Variants in RNF38 observed in about 807,000 individuals in gnomAD.
RNF38 encodes the protein E3 ubiquitin-protein ligase RNF38.
In RNF38, 15 loss-of-function variants were observed where a neutral mutation model predicts 67.2. The observed-to-expected ratio is 0.22, with a 90% CI of 0.15 to 0.34. The LOEUF (loss-of-function observed/expected upper bound fraction) is 0.34. Ranked by LOEUF, RNF38 falls within the 10% of genes least tolerant of loss-of-function variation. RNF38 has a pLI of 1.00. For synonymous variants in RNF38, 220 were observed against 218.8 expected (o/e 1.01, Z -0.05); for missense variants, 524 against 639.9 (o/e 0.82, Z 1.95).
chr9:36,402,021 G>A (rs1245875757), upstream of RNF38, among the ~76,000 whole-genome samples: 2 of 152,146 alleles, frequency 1.3e-5, no homozygotes, highest in Non-Finnish European at 2.9e-5. Flanking sequence ...ACACTATATG[G>A]TAATTATTTA....
At chr9:36,411,593 G>A (rs1363200546) in intron 2 of RNF38, among the ~76,000 whole-genome samples, 1 of 152,058 alleles carries the variant, frequency 6.6e-6, no homozygotes, top group Non-Finnish European at 1.5e-5. Context: ...ACAGAGTCTT[G>A]CGCAATCACC....
chr9:36,467,615 T>C (rs1056522317), intron 1 of RNF38, among the ~76,000 whole-genome samples: 3 of 152,156 alleles, frequency 2.0e-5, no homozygotes, highest in African/African-American at 7.2e-5. Flanking sequence ...TCACTACCAA[T>C]AATAACACCA....
intron 1 of RNF38, among the ~76,000 whole-genome samples, chr9:36,485,610 T>C (rs1168022957): frequency 6.6e-6 from 1 of 152,188 alleles, no homozygotes; most frequent in African/African-American, 2.4e-5. Flanking sequence ...GCCAAATATG[T>C]GTGTCTTAGA....
chr9:36,424,457 A>C (rs1838719696), intron 2 of RNF38, among the ~76,000 whole-genome samples: 1 of 152,164 alleles, frequency 6.6e-6, no homozygotes, highest in Non-Finnish European at 1.5e-5. Flanking sequence ...AGCAGTCAAT[A>C]ATTTGACACA....
Position 36,339,562 on chromosome 9 carries a change from A to G in RNF38, c.*190T>C, listed in dbSNP as rs985534903. On this transcript the variant is annotated 3_prime_UTR_variant, in exon 12 of 12. Coordinates refer to ENST00000259605, the MANE Select transcript of RNF38 (RefSeq NM_022781.5). ...TTGGAGTTCCAATCACACGGTTAGT[A>G]TAACAATCCCATAACTGTGAAGACT... 28 of 536,532 alleles carry G rather than the reference A, an allele frequency of 5.2e-5. No individual in the cohort carries two copies. The Middle Eastern group carries it at 1.9e-3, about 36-fold the overall frequency. The allele number at this position is 536,532 out of a possible 1,614,324, so 33.2% of individuals were successfully genotyped here. A position where few individuals can be genotyped will look rare whatever the true frequency, so the allele number is the denominator to read the frequency against.
At chr9:36,383,899 A>T (rs1836399068) in intron 2 of RNF38, among the ~76,000 whole-genome samples, 1 of 152,188 alleles carries the variant, frequency 6.6e-6, no homozygotes, top group African/African-American at 2.4e-5. Context: ...AACGTATTGC[A>T]ATCACACCAT....
rs542083931 is a variant in RNF38, at chr9:36,487,359, G to A, written n.190C>T. On this transcript the variant is annotated non_coding_transcript_exon_variant, in exon 1 of 4. Coordinates refer to the RNF38 transcript ENST00000488058. ...CCGCCACCCTGGGCTCCCGCCCGGA[G>A]AGGCCCGTGGCCCGGAGGGCTGAGG... 98 of 984,580 alleles carry A rather than the reference G, an allele frequency of 1.0e-4. 1 individual carries two copies. The South Asian group carries it at 4.1e-3, about 41-fold the overall frequency. 61.0% of individuals were successfully genotyped at this position (984,580 alleles called of 1,614,324 possible).
In RNF38 at chr9:36,438,419, A is replaced by AT. The variant is rs202109356; in HGVS notation, n.242-13737dup. On this transcript the variant is annotated intron_variant and non_coding_transcript_variant, in intron 1 of 3. Coordinates refer to the RNF38 transcript ENST00000488058. ...AAAACATTAAGAGACTTTTTTTGTG[A>AT]TTTTTTTTAAGCTCATCAGCAATCG... Among the ~76,000 whole-genome samples, 1,046 of 151,816 alleles carry AT rather than the reference A, an allele frequency of 6.9e-3. 14 individuals are homozygous for AT. The highest frequency in any genetic ancestry group is 0.024 in the African/African-American group (988 of 41,394).
rs557309970 is a variant in RNF38, at chr9:36,412,264, C to T, written n.312+12349G>A. 1.3e-3 allele frequency among the ~76,000 whole-genome samples: 198 copies of T among 152,306 alleles called. 1 individual carries two copies. Among genetic ancestry groups the T allele is most frequent in the Non-Finnish European group, 2.2e-3 (151 of 68,024 alleles). On this transcript the variant is annotated intron_variant and non_coding_transcript_variant, in intron 2 of 3. Transcript: ENST00000488058. The stretch of plus-strand genomic sequence containing the variant: ...CAGCCTTTTGTTTCCCTCATCTTTC[C>T]GGCTTTAGGGATTTTGCACTAGCTG...
chr9:36,477,322 GAA>G (rs760684192), intron 1 of RNF38, among the ~76,000 whole-genome samples: 5 of 127,246 alleles, frequency 3.9e-5, no homozygotes, highest in Non-Finnish European at 5.1e-5. Context: ...GACTCGTCTG[GAA>G]AAAAAAAAAA....
At chr9:36,391,876 G>A (rs1368365057) in intron 1 of RNF38, among the ~76,000 whole-genome samples, 1 of 152,188 alleles carries the variant, frequency 6.6e-6, no homozygotes, top group African/African-American at 2.4e-5. Flanking sequence ...GCCTCCCGAA[G>A]TGCTGGGATT....
At chr9:36,443,425 G>C (rs1839239309) in intron 1 of RNF38, among the ~76,000 whole-genome samples, 1 of 152,140 alleles carries the variant, frequency 6.6e-6, no homozygotes, top group Non-Finnish European at 1.5e-5. Context: ...AGTTGCAAGA[G>C]TGAGAAAAAT....
chr9:36,347,548 C>T (rs1223583287), intron 9 of RNF38, among the ~76,000 whole-genome samples: 1 of 152,192 alleles, frequency 6.6e-6, no homozygotes, highest in African/African-American at 2.4e-5. Context: ...TACTATTGCA[C>T]TTGTTTTGTG....
At chr9:36,400,779 G>C, upstream of RNF38, 1 of 985,618 alleles carries the variant, frequency 1.0e-6, no homozygotes, top group South Asian at 4.7e-5. Flanking sequence ...TGCACGCCCA[G>C]AGATGACAGA....
intron 11 of RNF38, among the ~76,000 whole-genome samples, chr9:36,342,108 G>A (rs1354597587): frequency 6.6e-6 from 1 of 152,148 alleles, no homozygotes; most frequent in African/African-American, 2.4e-5. Flanking sequence ...CATACTGATT[G>A]TCAAGAGGTC....
Position 36,344,704 on chromosome 9 carries a change from C to T in RNF38, c.1385+128G>A, listed in dbSNP as rs995134059. ...TAACTTATCTTTATCAAAGTTATCT[C>T]TGACTCCTAAGCATTTTCTTTCAAT... is the stretch of plus-strand genomic sequence containing the variant. On this transcript the variant is annotated intron_variant, in intron 10 of 11. Coordinates refer to ENST00000259605, the MANE Select transcript of RNF38 (RefSeq NM_022781.5). 1.4e-4 allele frequency: 118 copies of T among 821,542 alleles called. 1 individual carries two copies. In the African/African-American group the frequency reaches 2.0e-3, roughly 14 times the overall value. 50.9% of individuals were successfully genotyped at this position (821,542 alleles called of 1,614,324 possible). A position where few individuals can be genotyped will look rare whatever the true frequency, so the allele number is the denominator to read the frequency against.
intron 2 of RNF38, among the ~76,000 whole-genome samples, chr9:36,378,327 C>T (rs949573106): frequency 6.6e-6 from 1 of 152,014 alleles, no homozygotes; most frequent in Non-Finnish European, 1.5e-5. Flanking sequence ...CAGGCATATG[C>T]CACCATGCCC....
chr9:36,356,605 TAAC>T, intron 5 of RNF38, 132 bp from the exon 6 acceptor site: 1 of 641,454 alleles, frequency 1.6e-6, no homozygotes, highest in Non-Finnish European at 2.5e-6. Context: ...TAGCTTATAT[TAAC>T]AATGAAATAC....
At chr9:36,352,686 A>G (rs1173136907) in intron 8 of RNF38, 56 bp downstream of exon 8, 4 of 1,231,532 alleles carry the variant, frequency 3.2e-6, no homozygotes, top group Non-Finnish European at 4.8e-6. Flanking sequence ...TCACAAAGGA[A>G]AGAGAATCTC....
Sources: gnomAD v4.1 joint callset for allele counts (sites outside exome capture counted in the v4.1 genomes callset) on GRCh38, gnomAD v4.1.1 for gene constraint, MANE v1.5 for transcripts, NCBI Gene and HGNC (gene_info 2026-07-23, HGNC 2026-07-21) for gene names.